SIPA1L3: variants seen among roughly 807,000 people sequenced by gnomAD.
The protein encoded by SIPA1L3 is signal-induced proliferation-associated 1-like protein 3.
A neutral mutation model predicts 150.1 loss-of-function variants in SIPA1L3; 59 were observed. That is an observed-to-expected ratio of 0.39 (90% CI 0.32 to 0.49). The LOEUF (loss-of-function observed/expected upper bound fraction) is 0.49, where lower values mean the gene tolerates loss of function less well. Among genes scored for constraint, SIPA1L3 ranks in the 20% least tolerant of loss-of-function variants. The probability of loss-of-function intolerance (pLI) is 0.86; values close to 1 mark genes in which losing one functional copy is unlikely to be tolerated. For missense variants in SIPA1L3, 2,211 were observed against 2,489.5 expected (o/e 0.89, Z 2.38); for synonymous variants, 1,070 against 1,077.6 (o/e 0.99, Z 0.14).
At chr19:37,961,044 T>G (rs571471410) in intron 1 of SIPA1L3, among the ~76,000 whole-genome samples, 2 of 152,032 alleles carry the variant, frequency 1.3e-5, no homozygotes, top group African/African-American at 4.8e-5. Context: ...AATTTTTGTA[T>G]TTTTAGTAGA....
intron 1 of SIPA1L3, among the ~76,000 whole-genome samples, chr19:37,911,287 C>T (rs1374866254): frequency 6.6e-6 from 1 of 151,700 alleles, no homozygotes; most frequent in African/African-American, 2.4e-5. Flanking sequence ...TGTTTTCTTC[C>T]TCCTCCCATA....
intron 13 of SIPA1L3, among the ~76,000 whole-genome samples, chr19:38,154,286 T>C (rs1971893511): frequency 6.6e-6 from 1 of 152,188 alleles, no homozygotes; most frequent in African/African-American, 2.4e-5. Flanking sequence ...ATCTTGGTGT[T>C]GATAGACATT....
At chr19:38,035,053 A>G (rs1181780288) in intron 2 of SIPA1L3, among the ~76,000 whole-genome samples, 1 of 152,170 alleles carries the variant, frequency 6.6e-6, no homozygotes, top group Non-Finnish European at 1.5e-5. Context: ...GGGGAAGCCC[A>G]GGGGAGTGGG....
At chr19:38,115,015 G>A (rs1299702083) in intron 8 of SIPA1L3, among the ~76,000 whole-genome samples, 1 of 152,224 alleles carries the variant, frequency 6.6e-6, no homozygotes, top group African/African-American at 2.4e-5. Context: ...TCTCCCTCAA[G>A]GATTTAACCA....
Position 37,930,708 on chromosome 19 carries a change from C to G in SIPA1L3, c.-379+23350C>G, listed in dbSNP as rs536617736. 3.3e-5 allele frequency among the ~76,000 whole-genome samples: 5 copies of G among 152,202 alleles called. No homozygotes were observed. The East Asian group carries it at 9.6e-4, about 29-fold the overall frequency. On this transcript the variant is annotated intron_variant, in intron 1 of 21. Transcript: ENST00000222345. ...GGCTCCCTGTTTTACTTTGGGCAAG[C>G]CACTTAGCCTTGCATGTCTTAGTTT...
chr19:37,930,171 C>A (rs1019945090), intron 1 of SIPA1L3, among the ~76,000 whole-genome samples: 3 of 151,990 alleles, frequency 2.0e-5, no homozygotes, highest in African/African-American at 7.2e-5. Context: ...ACTACGGGCG[C>A]CCGCCACCAC....
chr19:38,005,831 G>T (rs1190215696), intron 1 of SIPA1L3, among the ~76,000 whole-genome samples: 1 of 152,194 alleles, frequency 6.6e-6, no homozygotes, highest in African/African-American at 2.4e-5. Context: ...GCAGACTGCT[G>T]CAGGCCAGGA....
At position 38,180,840 on chromosome 19, in the gene SIPA1L3, C is replaced by T. The variant is rs556241582; in HGVS notation, c.4209-1679C>T. ...AATTACAGGCGTGAGCCACCGCGCC[C>T]GGCCAGCATTTAACTTTCAACTCCT... is the stretch of plus-strand genomic sequence containing the variant. On this transcript the variant is annotated intron_variant, in intron 15 of 21. Coordinates refer to ENST00000222345, the MANE Select transcript of SIPA1L3 (RefSeq NM_015073.3). Among the ~76,000 whole-genome samples the T allele has an allele frequency of 4.6e-5, 7 of 152,144 alleles. No individual in the cohort carries two copies. In the South Asian group the frequency reaches 6.2e-4, roughly 13 times the overall value.
chr19:37,989,204 C>T lies in SIPA1L3; in HGVS notation c.-378-39885C>T, dbSNP rs553827443. Among the ~76,000 whole-genome samples, 13 of 152,244 alleles carry T rather than the reference C, an allele frequency of 8.5e-5. No individual in the cohort carries two copies. The South Asian group carries it at 2.7e-3, about 32-fold the overall frequency. On this transcript the variant is annotated intron_variant, in intron 1 of 21. Coordinates refer to ENST00000222345, the MANE Select transcript of SIPA1L3 (RefSeq NM_015073.3). ...ACGGAACCTTCCTAACTCTGTGGGG[C>T]AGCTCCTGTTTTTTGTTTGTTTGTT...
intron 1 of SIPA1L3, among the ~76,000 whole-genome samples, chr19:37,977,365 A>C (rs998987398): frequency 6.6e-6 from 1 of 152,038 alleles, no homozygotes; most frequent in Non-Finnish European, 1.5e-5. Flanking sequence ...GGGTTTTGCC[A>C]TGTTAGCCAG....
At chr19:37,948,973 C>T (rs955262197) in intron 1 of SIPA1L3, among the ~76,000 whole-genome samples, 1 of 152,100 alleles carries the variant, frequency 6.6e-6, no homozygotes, top group Non-Finnish European at 1.5e-5. Flanking sequence ...AGGAGGGCAG[C>T]GGGGGAGAAT....
At chr19:37,908,627 T>A (rs1031580248) in intron 1 of SIPA1L3, among the ~76,000 whole-genome samples, 3 of 151,358 alleles carry the variant, frequency 2.0e-5, no homozygotes, top group Non-Finnish European at 3.0e-5. Context: ...TTTTTTTTTT[T>A]AATAGGCCCT....
chr19:38,192,552 C>T (rs531960082), intron 17 of SIPA1L3, among the ~76,000 whole-genome samples: 30 of 152,220 alleles, frequency 2.0e-4, no homozygotes, highest in Admixed American at 2.0e-3. Flanking sequence ...GAATCTACCC[C>T]ATACCGAGAA....
chr19:38,181,707 G>C (rs772513813), intron 15 of SIPA1L3, among the ~76,000 whole-genome samples: 13 of 152,064 alleles, frequency 8.5e-5, no homozygotes, highest in Middle Eastern at 3.4e-3. Flanking sequence ...TTAGCTGGGC[G>C]TGGTGGCACA....
intron 1 of SIPA1L3, among the ~76,000 whole-genome samples, chr19:37,908,968 C>G (rs2046357369): frequency 6.6e-6 from 1 of 152,202 alleles, no homozygotes; most frequent in African/African-American, 2.4e-5. Context: ...AAAGAAGTGG[C>G]TGTTTCTTGG....
At chr19:37,987,610 G>A (rs551996043) in intron 1 of SIPA1L3, among the ~76,000 whole-genome samples, 3 of 152,330 alleles carry the variant, frequency 2.0e-5, no homozygotes, top group Non-Finnish European at 4.4e-5. Flanking sequence ...AGGTGGGGCA[G>A]TGTTGTCCCT....
At chr19:37,944,135 A>G (rs1489966927) in intron 1 of SIPA1L3, among the ~76,000 whole-genome samples, 2 of 152,062 alleles carry the variant, frequency 1.3e-5, no homozygotes, top group Non-Finnish European at 2.9e-5. Context: ...AAAATTAGCC[A>G]GGTGCAGAGG....
Position 38,081,527 on chromosome 19 carries a change from C to G in SIPA1L3, c.-39C>G. On this transcript the variant is annotated 5_prime_UTR_variant, in exon 3 of 22. Coordinates refer to ENST00000222345, the MANE Select transcript of SIPA1L3 (RefSeq NM_015073.3). The stretch of plus-strand genomic sequence containing the variant: ...TGGGGGACCCCATAGAGTGACACCA[C>G]AGCGTACGGGGCCAGCAGCACTCCA... 6.6e-7 allele frequency: 1 copy of G among 1,526,682 alleles called. No individual in the cohort carries two copies. The highest frequency in any genetic ancestry group is 1.2e-5 in the South Asian group (1 of 80,132). The allele number at this position is 1,526,682 out of a possible 1,614,324, so 94.6% of individuals were successfully genotyped here.
In SIPA1L3 at chr19:38,082,770, C is replaced by T. The variant is rs763137899; in HGVS notation, c.1205C>T (p.Thr402Ile). 3 of 1,613,258 alleles carry T rather than the reference C, an allele frequency of 1.9e-6. No individual in the cohort carries two copies. In the South Asian group the frequency reaches 3.3e-5, roughly 18 times the overall value. The change falls in exon 3 of 22, where the codon ACA (threonine) becomes ATA (isoleucine). Residue 402 changes from threonine (T) to isoleucine (I), a missense_variant. Thr to Ile is a moderately conservative substitution (Grantham distance 89). Around this residue, in one of 5 missense-constraint regions of SIPA1L3, gnomAD observed 587 missense variants for 534.5 expected, o/e 1.10. Coordinates refer to ENST00000222345, the MANE Select transcript of SIPA1L3 (RefSeq NM_015073.3). ...GGCCTGGACCCGGCCTTCACCAGCA[C>T]AGAGGACCTAAACTGCAAGGAGAAC... is the stretch of plus-strand genomic sequence containing the variant. ...LGGLDPAFTSTEDLNCKENLE... is the reference protein window; with the variant it reads ...LGGLDPAFTSIEDLNCKENLE...
Sources: gnomAD v4.1 joint callset for allele counts (sites outside exome capture counted in the v4.1 genomes callset) on GRCh38, gnomAD v4.1.1 for gene constraint, gnomAD v4.1.1 regional missense constraint, MANE v1.5 for transcripts, NCBI Gene and HGNC (gene_info 2026-07-23, HGNC 2026-07-21) for gene names.